BTRC: variants seen among roughly 807,000 people sequenced by gnomAD.
BTRC encodes F-box/WD repeat-containing protein 1A.
In BTRC, 42 loss-of-function variants were observed where a neutral mutation model predicts 85.5. The ratio of observed to expected loss-of-function variants is 0.49; its 90% CI spans 0.38 to 0.64. The LOEUF (loss-of-function observed/expected upper bound fraction) is 0.64. BTRC is among the 30% of genes least tolerant of loss of function. BTRC has a pLI of 0.00. For synonymous variants in BTRC, 255 were observed against 263.3 expected (o/e 0.97, Z 0.30); for missense variants, 594 against 743.5 (o/e 0.80, Z 2.34).
chr10:101,518,896 A>G (rs1306415492), intron 4 of BTRC, among the ~76,000 whole-genome samples: 1 of 152,098 alleles, frequency 6.6e-6, no homozygotes, highest in East Asian at 1.9e-4. Context: ...AATCACCACA[A>G]ACTTAGCAAG....
At chr10:101,359,789 A>C (rs1590195981) in intron 1 of BTRC, among the ~76,000 whole-genome samples, 1 of 151,982 alleles carries the variant, frequency 6.6e-6, no homozygotes, top group Admixed American at 6.6e-5. Flanking sequence ...TGGTAGAGAC[A>C]GGGCTTTTCC....
chr10:101,402,615 T>C (rs1424866931), intron 1 of BTRC, among the ~76,000 whole-genome samples: 1 of 152,214 alleles, frequency 6.6e-6, no homozygotes, highest in Non-Finnish European at 1.5e-5. Context: ...GGACTTAAAT[T>C]ACAGAATTGT....
At chr10:101,477,084 C>T (rs1041946501) in intron 3 of BTRC, among the ~76,000 whole-genome samples, 6 of 152,210 alleles carry the variant, frequency 3.9e-5, no homozygotes, top group Admixed American at 1.3e-4. Context: ...TCAAGCGATT[C>T]TTCTGCCTCA....
At position 101,360,370 on chromosome 10, in the gene BTRC, C is replaced by CTT. The variant is rs35794052; in HGVS notation, c.48+6162_48+6163dup. On this transcript the variant is annotated intron_variant, in intron 1 of 14. Coordinates refer to ENST00000370187, the MANE Select transcript of BTRC (RefSeq NM_033637.4). ...ATGCCTGGCCTAGAGATGGGATCTG[C>CTT]TTTTTTTTTTTTTTTTTTTTTGAGA... Among the ~76,000 whole-genome samples the CTT allele has an allele frequency of 5.6e-4, 50 of 89,924 alleles. 1 individual carries two copies. The highest frequency in any genetic ancestry group is 7.2e-4 in the African/African-American group (17 of 23,666). The allele number at this position is 89,924 out of a possible 152,430, so 59.0% of individuals were successfully genotyped here.
intron 4 of BTRC, among the ~76,000 whole-genome samples, chr10:101,507,704 T>A (rs940565983): frequency 3.3e-5 from 5 of 152,234 alleles, no homozygotes; most frequent in Admixed American, 3.3e-4. Flanking sequence ...CAAGAAAGGC[T>A]GTGTCCTGAA....
chr10:101,509,241 G>A (rs1339609191), intron 4 of BTRC, among the ~76,000 whole-genome samples: 1 of 133,002 alleles, frequency 7.5e-6, no homozygotes, highest in Non-Finnish European at 1.6e-5. Context: ...GTGGCAATGT[G>A]GATTTTTTTT....
At chr10:101,540,577 T>C (rs1471313624) in intron 13 of BTRC, among the ~76,000 whole-genome samples, 1 of 152,174 alleles carries the variant, frequency 6.6e-6, no homozygotes, top group Non-Finnish European at 1.5e-5. Context: ...TTTTTCAAAG[T>C]TTTTTGGGGC....
At chr10:101,408,933 C>T (rs546400110) in intron 1 of BTRC, among the ~76,000 whole-genome samples, 13 of 151,958 alleles carry the variant, frequency 8.6e-5, no homozygotes, top group Non-Finnish European at 1.3e-4. Flanking sequence ...CATGAAAGCC[C>T]AGCTATTTGG....
intron 3 of BTRC, among the ~76,000 whole-genome samples, chr10:101,475,825 A>T (rs1198827965): frequency 2.0e-5 from 3 of 150,094 alleles, no homozygotes; most frequent in Non-Finnish European, 3.0e-5. Context: ...CACAGTAAAA[A>T]TTACCATAGG....
intron 2 of BTRC, among the ~76,000 whole-genome samples, chr10:101,442,441 ACAGCGTGACCT>A (rs1944712738): frequency 6.6e-6 from 1 of 152,160 alleles, no homozygotes; most frequent in South Asian, 2.1e-4. Context: ...AAGAGAAAAT[ACAGCGTGACCT>A]CAGTCTAACC....
chr10:101,389,739 C>G (rs1412541259), intron 1 of BTRC, among the ~76,000 whole-genome samples: 1 of 150,734 alleles, frequency 6.6e-6, no homozygotes, highest in Non-Finnish European at 1.5e-5. Context: ...ATCCTTCTGC[C>G]TCAGCCTCTG....
At chr10:101,367,216 G>A (rs1311537172) in intron 1 of BTRC, among the ~76,000 whole-genome samples, 3 of 147,436 alleles carry the variant, frequency 2.0e-5, no homozygotes, top group East Asian at 2.0e-4. Flanking sequence ...GACTACATGC[G>A]CGCACCACCA....
At chr10:101,453,853 G>T (rs1242520897) in intron 2 of BTRC, among the ~76,000 whole-genome samples, 1 of 152,176 alleles carries the variant, frequency 6.6e-6, no homozygotes, top group Non-Finnish European at 1.5e-5. Flanking sequence ...TCTGTAAAGG[G>T]GCAGATAATA....
At chr10:101,478,118 G>A (rs1453712698) in intron 3 of BTRC, among the ~76,000 whole-genome samples, 1 of 151,944 alleles carries the variant, frequency 6.6e-6, no homozygotes, top group Non-Finnish European at 1.5e-5. Context: ...TGGCCAACAT[G>A]ATGAAACCCC....
At chr10:101,521,922 C>CA in intron 5 of BTRC, 52 bp downstream of exon 5, 1 of 1,309,548 alleles carries the variant, frequency 7.6e-7, no homozygotes, top group Non-Finnish European at 1.1e-6. Flanking sequence ...GATAAGAGAA[C>CA]TAGATCTCCA....
intron 13 of BTRC, among the ~76,000 whole-genome samples, chr10:101,541,736 AT>A (rs1223558106): frequency 3.9e-5 from 6 of 151,920 alleles, no homozygotes; most frequent in East Asian, 1.9e-4. Flanking sequence ...ATTACATTGA[AT>A]TTTTTTTAGC....
intron 1 of BTRC, among the ~76,000 whole-genome samples, chr10:101,384,656 T>C (rs1474815619): frequency 6.6e-6 from 1 of 152,204 alleles, no homozygotes; most frequent in African/African-American, 2.4e-5. Context: ...TCCAGCCAAT[T>C]AGCAGTAGGA....
intron 1 of BTRC, among the ~76,000 whole-genome samples, chr10:101,389,119 GT>G (rs1188561028): frequency 1.3e-3 from 55 of 41,538 alleles, no homozygotes; most frequent in African/African-American, 3.1e-3. Context: ...TTTTGTGTGT[GT>G]TTTTTTTTTT....
At chr10:101,505,385 C>T (rs1423307569) in intron 4 of BTRC, among the ~76,000 whole-genome samples, 3 of 149,790 alleles carry the variant, frequency 2.0e-5, no homozygotes, top group South Asian at 2.1e-4. Context: ...TCTGGGAGGC[C>T]GAGGCGGGCG....
Sources: allele counts gnomAD v4.1 joint callset (sites outside exome capture counted in the v4.1 genomes callset), GRCh38; gene constraint gnomAD v4.1.1; transcripts MANE v1.5; gene names NCBI Gene and HGNC (gene_info 2026-07-23, HGNC 2026-07-21).